GCNT4: variants seen among roughly 807,000 people sequenced by gnomAD.
GCNT4 encodes the protein glucosaminyl (N-acetyl) transferase 4.
A neutral mutation model predicts 31.3 loss-of-function variants in GCNT4; 17 were observed. That is an observed-to-expected ratio of 0.54 (90% CI 0.37 to 0.81). The LOEUF (loss-of-function observed/expected upper bound fraction) is 0.81. Among genes scored for constraint, GCNT4 ranks in the 40% least tolerant of loss-of-function variants. GCNT4 has a pLI of 0.00. For synonymous variants in GCNT4, 158 were observed against 190.6 expected, an observed-to-expected ratio of 0.83 and a Z score of 1.41; for missense variants, 503 against 525.5, an observed-to-expected ratio of 0.96 and a Z score of 0.42.
intron 3 of GCNT4, among the ~76,000 whole-genome samples, chr5:75,047,547 C>T (rs1743469225): frequency 1.3e-5 from 2 of 152,080 alleles, no homozygotes; most frequent in Non-Finnish European, 2.9e-5. Context: ...GATAATGATA[C>T]AACAGTTTAG....
chr5:75,032,425 G>A (rs943934636), intron 3 of GCNT4, among the ~76,000 whole-genome samples: 5 of 152,108 alleles, frequency 3.3e-5, no homozygotes, highest in Admixed American at 6.6e-5. Context: ...CCTCGCCTGC[G>A]TCTTCTGTCT....
chr5:75,044,776 A>C (rs1743397788), intron 3 of GCNT4, among the ~76,000 whole-genome samples: 1 of 152,140 alleles, frequency 6.6e-6, no homozygotes, highest in Non-Finnish European at 1.5e-5. Context: ...CACGCTTCTC[A>C]TGGTGAAGGA....
At chr5:75,053,269 G>C (rs1580250799), upstream of GCNT4, among the ~76,000 whole-genome samples, 1 of 152,064 alleles carries the variant, frequency 6.6e-6, no homozygotes, top group Middle Eastern at 3.4e-3. Flanking sequence ...GCGCGCTCTG[G>C]TGGCCCCGGG....
intron 2 of GCNT4, among the ~76,000 whole-genome samples, chr5:75,049,378 A>G (rs1023178563): frequency 1.3e-5 from 2 of 152,308 alleles, no homozygotes; most frequent in South Asian, 4.1e-4. Context: ...TTATCAAATG[A>G]TATCTGGCTC....
At chr5:75,042,877 A>G (rs1461456395) in intron 3 of GCNT4, among the ~76,000 whole-genome samples, 1 of 152,214 alleles carries the variant, frequency 6.6e-6, no homozygotes, top group African/African-American at 2.4e-5. Flanking sequence ...TCTTGTGTGC[A>G]TATTAGACAC....
chr5:75,032,697 G>T (rs1051672115), intron 3 of GCNT4, among the ~76,000 whole-genome samples: 1 of 152,122 alleles, frequency 6.6e-6, no homozygotes, highest in East Asian at 1.9e-4. Context: ...ACTGAACAGG[G>T]TCCCATCACT....
downstream of GCNT4, among the ~76,000 whole-genome samples, chr5:75,024,950 CAAAAAA>C (rs1239662355): frequency 7.4e-5 from 3 of 40,538 alleles, no homozygotes; most frequent in East Asian, 9.5e-4. Flanking sequence ...GACTCCATCT[CAAAAAA>C]AAAAAAAAAA....
At chr5:75,052,791 G>C (rs1363696604), upstream of GCNT4, 1 of 152,290 alleles carries the variant, frequency 6.6e-6, no homozygotes, top group Non-Finnish European at 1.5e-5. Flanking sequence ...TCTGGTCCAG[G>C]GCTGCGGAGA....
rs71600449 is a variant in GCNT4, at chr5:75,027,292, T to TTA, written c.*1382_*1383dup. ...TCATTATATGTTATATAATATATAT[T>TTA]TATATATATATAATTATATGTATAT... is the stretch of plus-strand genomic sequence containing the variant. On this transcript the variant is annotated 3_prime_UTR_variant, in exon 4 of 4. Coordinates refer to ENST00000652361, the MANE Select transcript of GCNT4 (RefSeq NM_001366737.1). 8.7e-5 allele frequency: 10 copies of TTA among 115,298 alleles called. No homozygotes were observed. The highest frequency in any genetic ancestry group is 4.9e-4 in the South Asian group (2 of 4,078). 7.1% of individuals were successfully genotyped at this position (115,298 alleles called of 1,614,324 possible).
At chr5:75,035,881 C>T (rs1743186908) in intron 3 of GCNT4, among the ~76,000 whole-genome samples, 1 of 152,178 alleles carries the variant, frequency 6.6e-6, no homozygotes, top group Admixed American at 6.5e-5. Flanking sequence ...TCCTGTTTTT[C>T]AATCTACCTC....
chr5:75,029,902 C>T lies in GCNT4; in HGVS notation c.136G>A (p.Val46Ile). ...RLFPQKDIYL[V>I]EYSLSTSPFV... is the part of the protein sequence containing the mutation. ...GGCGAGGTACTTAGGGAGTACTCAACCAAGTAAATGTCTTTTTGCGGAAAG... is the reference window on the plus strand; with the variant it reads ...GGCGAGGTACTTAGGGAGTACTCAATCAAGTAAATGTCTTTTTGCGGAAAG... The change falls in exon 4 of 4, where the codon GTT becomes ATT. Residue 46 changes from valine (V) to isoleucine (I), a missense_variant. Coordinates refer to ENST00000652361, the MANE Select transcript of GCNT4 (RefSeq NM_001366737.1). 1 of 1,614,116 alleles carries T rather than the reference C, an allele frequency of 6.2e-7. No individual in the cohort carries two copies. The highest frequency in any genetic ancestry group is 8.5e-7 in the Non-Finnish European group (1 of 1,180,012).
At chr5:75,039,541 G>A (rs1743272732) in intron 3 of GCNT4, among the ~76,000 whole-genome samples, 1 of 152,200 alleles carries the variant, frequency 6.6e-6, no homozygotes, top group Non-Finnish European at 1.5e-5. Context: ...CATATAGCTA[G>A]TATATTGGAG....
chr5:75,043,950 T>G (rs1418196438), intron 3 of GCNT4, among the ~76,000 whole-genome samples: 2 of 152,198 alleles, frequency 1.3e-5, no homozygotes, highest in African/African-American at 2.4e-5. Context: ...AGATGGAGGC[T>G]TTAGGTAAAT....
intron 3 of GCNT4, among the ~76,000 whole-genome samples, chr5:75,038,564 G>A (rs569340475): frequency 6.6e-6 from 1 of 152,268 alleles, no homozygotes; most frequent in South Asian, 2.1e-4. Flanking sequence ...CAAGATCAAG[G>A]CACAGATTTG....
the GCNT4 span, chr5:75,017,638 G>A: frequency 2.0e-5 from 3 of 152,256 alleles, no homozygotes; most frequent in Non-Finnish European, 4.4e-5. Flanking sequence ...ATAGAGAAAA[G>A]GGAGAGCAAA....
At chr5:75,020,557 C>T (rs1257428950), downstream of GCNT4, among the ~76,000 whole-genome samples, 1 of 151,936 alleles carries the variant, frequency 6.6e-6, no homozygotes, top group Non-Finnish European at 1.5e-5. Flanking sequence ...AATAAAATTA[C>T]ATTTCACCTA....
intron 3 of GCNT4, among the ~76,000 whole-genome samples, chr5:75,031,981 T>C (rs144375207): frequency 1.8e-4 from 28 of 152,282 alleles, no homozygotes; most frequent in African/African-American, 6.7e-4. Flanking sequence ...TTCAAGAGAA[T>C]TGCCAAGAAC....
chr5:75,023,524 A>C (rs1053979057), downstream of GCNT4, among the ~76,000 whole-genome samples: 5 of 127,244 alleles, frequency 3.9e-5, no homozygotes, highest in Non-Finnish European at 9.0e-5. Flanking sequence ...TTATGACAGC[A>C]AAAAAAAAAA....
At position 75,029,777 on chromosome 5, in the gene GCNT4, A is replaced by G. The variant is rs757968341; in HGVS notation, c.261T>C (p.Ser87=). ...YEQEPLEIGK[S]LEIRRRDIID... Reference sequence around the variant, plus strand: ...TGATGTCCCTTCTTCTTATTTCCAGACTCTTTCCAATTTCCAAAGGCTCCT... The same window carrying G: ...TGATGTCCCTTCTTCTTATTTCCAGGCTCTTTCCAATTTCCAAAGGCTCCT... Residue 87 remains serine (S), a synonymous_variant, in exon 4 of 4, where the codon AGT becomes AGC. Transcript: ENST00000652361. The G allele has an allele frequency of 1.2e-6, 2 of 1,613,862 alleles. No individual in the cohort carries two copies. The highest frequency in any genetic ancestry group is 1.7e-6 in the Non-Finnish European group (2 of 1,179,986).
Sources: allele counts gnomAD v4.1 joint callset (sites outside exome capture counted in the v4.1 genomes callset), GRCh38; gene constraint gnomAD v4.1.1; transcripts MANE v1.5; gene names NCBI Gene and HGNC (gene_info 2026-07-23, HGNC 2026-07-21).